The following CCDC85A variants were observed in gnomAD, a reference collection of about 807,000 sequenced individuals.
The protein encoded by CCDC85A is coiled-coil domain-containing protein 85A.
A neutral mutation model predicts 50.2 loss-of-function variants in CCDC85A; 38 were observed. The ratio of observed to expected loss-of-function variants is 0.76; its 90% CI spans 0.58 to 0.99. The LOEUF (loss-of-function observed/expected upper bound fraction) is 0.99, where lower values mean the gene tolerates loss of function less well. CCDC85A is among the 50% of genes least tolerant of loss of function. The pLI, the probability that CCDC85A is intolerant of heterozygous loss-of-function variation, is 0.00. For missense variants in CCDC85A, 820 were observed against 742.0 expected, an observed-to-expected ratio of 1.11 and a Z score of -1.22; for synonymous variants, 366 against 301.4, an observed-to-expected ratio of 1.21 and a Z score of -2.22.
At chr2:56,256,792 T>C (rs866114887) in intron 2 of CCDC85A, among the ~76,000 whole-genome samples, 39 of 152,210 alleles carry the variant, frequency 2.6e-4, no homozygotes, top group Admixed American at 1.4e-3. Flanking sequence ...ACTTCAGAAG[T>C]TGTGAAAAGT....
chr2:56,370,041 C>G (rs1196320313), intron 3 of CCDC85A, among the ~76,000 whole-genome samples: 1 of 152,012 alleles, frequency 6.6e-6, no homozygotes, highest in Non-Finnish European at 1.5e-5. Flanking sequence ...TAGGGTCATT[C>G]AGGGATTCTT....
chr2:56,250,576 G>A (rs1173317068), intron 2 of CCDC85A, among the ~76,000 whole-genome samples: 1 of 152,144 alleles, frequency 6.6e-6, no homozygotes, highest in Non-Finnish European at 1.5e-5. Context: ...AATAGGAGGA[G>A]ACAAGGGCAG....
chr2:56,256,017 A>G (rs942042326), intron 2 of CCDC85A, among the ~76,000 whole-genome samples: 4 of 152,138 alleles, frequency 2.6e-5, no homozygotes, highest in Admixed American at 6.6e-5. Flanking sequence ...ACAGATGTAC[A>G]TATCCTATGT....
intron 2 of CCDC85A, among the ~76,000 whole-genome samples, chr2:56,272,848 C>T (rs1670756605): frequency 6.6e-6 from 1 of 152,168 alleles, no homozygotes; most frequent in Admixed American, 6.5e-5. Flanking sequence ...AATTTCAGTG[C>T]CTCAACTTGT....
chr2:56,236,308 C>A (rs1458228030), intron 2 of CCDC85A, among the ~76,000 whole-genome samples: 1 of 152,152 alleles, frequency 6.6e-6, no homozygotes, highest in Non-Finnish European at 1.5e-5. Flanking sequence ...GCAACACAAT[C>A]ATGGCCATTG....
chr2:56,379,276 G>A (rs1281261740), intron 5 of CCDC85A, among the ~76,000 whole-genome samples: 4 of 152,102 alleles, frequency 2.6e-5, no homozygotes, highest in Non-Finnish European at 5.9e-5. Context: ...TAGTTCTTAC[G>A]TGCATATTCC....
chr2:56,347,324 A>T, intron 3 of CCDC85A, among the ~76,000 whole-genome samples: 1 of 152,202 alleles, frequency 6.6e-6, no homozygotes, highest in East Asian at 1.9e-4. Flanking sequence ...TGTTCTTTCT[A>T]GCATGTGCAC....
At chr2:56,291,200 A>T (rs187980722) in intron 2 of CCDC85A, among the ~76,000 whole-genome samples, 11 of 152,324 alleles carry the variant, frequency 7.2e-5, no homozygotes, top group Admixed American at 1.3e-4. Context: ...TTGATGTCTT[A>T]ATCTTTGAGT....
chr2:56,342,965 T>C lies in CCDC85A; in HGVS notation c.1317+10T>C, dbSNP rs1467661359. 5 of 1,574,854 alleles carry C rather than the reference T, an allele frequency of 3.2e-6. No homozygotes were observed. Among genetic ancestry groups the C allele is most frequent in the Admixed American group, 1.8e-5 (1 of 55,756 alleles). On this transcript the variant is annotated intron_variant, in intron 3 of 5. Coordinates refer to ENST00000407595, the MANE Select transcript of CCDC85A (RefSeq NM_001080433.2). ...TCGCATGCTGCCCCAGGTGGGTGAC[T>C]TCCAGAAGCTCATAGCTAGTCAGTG...
At chr2:56,331,969 G>A (rs9309276) in intron 2 of CCDC85A, among the ~76,000 whole-genome samples, 28,183 of 152,004 alleles carry the variant, frequency 0.19, 3,616 homozygotes, top group African/African-American at 0.37. Flanking sequence ...GCTCTCTGGC[G>A]GTGCAGAGCC....
At chr2:56,377,125 A>G (rs1453018469) in intron 5 of CCDC85A, among the ~76,000 whole-genome samples, 1 of 152,234 alleles carries the variant, frequency 6.6e-6, no homozygotes, top group Non-Finnish European at 1.5e-5. Context: ...CAGGGCAACC[A>G]TGCTAGTGGC....
intron 2 of CCDC85A, among the ~76,000 whole-genome samples, chr2:56,233,002 C>A (rs1342559225): frequency 1.3e-5 from 2 of 152,272 alleles, no homozygotes; most frequent in East Asian, 3.9e-4. Context: ...CACATTGTCC[C>A]CATTTCTTTT....
intron 3 of CCDC85A, among the ~76,000 whole-genome samples, chr2:56,364,082 T>C (rs1168494369): frequency 6.6e-6 from 1 of 152,222 alleles, no homozygotes; most frequent in Non-Finnish European, 1.5e-5. Context: ...GTATTAAGCA[T>C]ATAGACTCAT....
rs1676776420 is a variant in CCDC85A, at chr2:56,385,343, G to A, written c.*988G>A. On this transcript the variant is annotated 3_prime_UTR_variant, in exon 6 of 6. Transcript: ENST00000407595. ...CTAACATTTTATGAAACTGACGCAT[G>A]TCCTTCATTATTGAGGCTAAAAGCT... is the stretch of plus-strand genomic sequence containing the variant. 6.6e-6 allele frequency: 1 copy of A among 152,208 alleles called. No homozygotes were observed. Among genetic ancestry groups the A allele is most frequent in the East Asian group, 1.9e-4 (1 of 5,160 alleles). 9.4% of individuals were successfully genotyped at this position (152,208 alleles called of 1,614,324 possible).
At chr2:56,291,393 A>G (rs1671696710) in intron 2 of CCDC85A, among the ~76,000 whole-genome samples, 3 of 152,244 alleles carry the variant, frequency 2.0e-5, no homozygotes, top group Admixed American at 1.3e-4. Context: ...TGGACTGAAC[A>G]TATCATTAGT....
intron 2 of CCDC85A, among the ~76,000 whole-genome samples, chr2:56,224,398 G>A (rs1285546816): frequency 1.3e-5 from 2 of 152,154 alleles, no homozygotes; most frequent in Non-Finnish European, 2.9e-5. Flanking sequence ...ACTTTTGGCT[G>A]TTATGAATAT....
At chr2:56,307,713 TG>T (rs1368565358) in intron 2 of CCDC85A, among the ~76,000 whole-genome samples, 2 of 152,154 alleles carry the variant, frequency 1.3e-5, no homozygotes, top group African/African-American at 4.8e-5. Context: ...CCCAAAGTAA[TG>T]TACCTGAAAA....
intron 2 of CCDC85A, among the ~76,000 whole-genome samples, chr2:56,315,380 A>G (rs1038781266): frequency 6.6e-6 from 1 of 152,154 alleles, no homozygotes; most frequent in Non-Finnish European, 1.5e-5. Context: ...ACTTGGTGCA[A>G]ATAAAAGTGA....
chr2:56,345,641 A>T (rs961830808), intron 3 of CCDC85A, among the ~76,000 whole-genome samples: 1 of 152,224 alleles, frequency 6.6e-6, no homozygotes, highest in African/African-American at 2.4e-5. Flanking sequence ...GTAAGACCCT[A>T]GGATGGAACA....
Sources: allele counts gnomAD v4.1 joint callset (sites outside exome capture counted in the v4.1 genomes callset), GRCh38; gene constraint gnomAD v4.1.1; transcripts MANE v1.5; gene names NCBI Gene and HGNC (gene_info 2026-07-23, HGNC 2026-07-21).